Variants in ITGA2 observed in about 807,000 individuals in gnomAD.
ITGA2 encodes integrin alpha-2.
ITGA2 carries 101 observed loss-of-function variants against 146.3 expected under a neutral mutation model. The observed-to-expected ratio is 0.69, with a 90% CI of 0.59 to 0.81. The LOEUF is 0.81. Ranked by LOEUF, ITGA2 falls within the 40% of genes least tolerant of loss-of-function variation. The pLI is 0.00. For synonymous variants in ITGA2, 477 were observed against 487.1 expected (o/e 0.98, Z 0.27); for missense variants, 1,281 against 1,402.7 (o/e 0.91, Z 1.39).
chr5:53,034,500 C>T (rs1743391424), intron 2 of ITGA2, among the ~76,000 whole-genome samples: 1 of 150,908 alleles, frequency 6.6e-6, no homozygotes. Flanking sequence ...TTTGTGTGTG[C>T]ACCTACAAAC....
chr5:53,085,396 T>C (rs1746112091), intron 27 of ITGA2, among the ~76,000 whole-genome samples: 1 of 152,208 alleles, frequency 6.6e-6, no homozygotes, highest in Non-Finnish European at 1.5e-5. Flanking sequence ...TGCTTACCTC[T>C]ACTTGTTAAC....
chr5:53,022,736 G>T (rs932374963), intron 1 of ITGA2, among the ~76,000 whole-genome samples: 3 of 152,020 alleles, frequency 2.0e-5, no homozygotes, highest in African/African-American at 7.2e-5. Context: ...CCACCTAATT[G>T]TCTATTTTTT....
chr5:53,090,134 A>C, intron 29 of ITGA2, 72 bp downstream of exon 29: 1 of 911,540 alleles, frequency 1.1e-6, no homozygotes, highest in Non-Finnish European at 1.8e-6. Context: ...CAAAACATCA[A>C]CTTCAGGTTT....
At chr5:53,058,895 G>C (rs1213359642) in intron 10 of ITGA2, among the ~76,000 whole-genome samples, 1 of 151,880 alleles carries the variant, frequency 6.6e-6, no homozygotes, top group Non-Finnish European at 1.5e-5. Flanking sequence ...GGAGAATTTT[G>C]CACACAATCC....
At chr5:53,047,460 A>G (rs753394943) in intron 4 of ITGA2, among the ~76,000 whole-genome samples, 24 of 152,336 alleles carry the variant, frequency 1.6e-4, no homozygotes, top group Admixed American at 5.9e-4. Context: ...GGATTGGAGC[A>G]GGTATAATGT....
In ITGA2 at chr5:53,075,315, C is replaced by T. The variant is rs377142623; in HGVS notation, c.2825+11C>T. Reference sequence around the variant, plus strand: ...AATTCACTTAACAAGGTAGGTGAAGCAGTGGGTAACCTGCTATCACTGACA... The same window carrying T: ...AATTCACTTAACAAGGTAGGTGAAGTAGTGGGTAACCTGCTATCACTGACA... On this transcript the variant is annotated intron_variant, in intron 23 of 29. Coordinates refer to ENST00000296585, the MANE Select transcript of ITGA2 (RefSeq NM_002203.4). 10 of 1,607,354 alleles carry T rather than the reference C, an allele frequency of 6.2e-6. No individual in the cohort carries two copies. Among genetic ancestry groups the T allele is most frequent in the Non-Finnish European group, 8.5e-6 (10 of 1,174,888 alleles).
rs150943875 is a variant in ITGA2 at position 53,002,126 on chromosome 5, A to T, written c.64+12594A>T. On this transcript the variant is annotated intron_variant, in intron 1 of 29. Transcript: ENST00000296585. ...GGCATTTTAACTGATAGAAAATTAG[A>T]TTTTTTCAAAATAGATTAAAACAAT... 8.7e-4 allele frequency among the ~76,000 whole-genome samples: 132 copies of T among 152,160 alleles called. 2 individuals carry two copies. In the East Asian group the frequency reaches 0.02, roughly 23 times the overall value.
intron 27 of ITGA2, among the ~76,000 whole-genome samples, chr5:53,086,508 T>C (rs1402217227): frequency 6.6e-6 from 1 of 152,210 alleles, no homozygotes; most frequent in Admixed American, 6.5e-5. Context: ...TCCATTCCAT[T>C]GTGTGACTTA....
chr5:53,062,719 G>T (rs1035986265), intron 12 of ITGA2, 67 bp from the exon 13 acceptor site: 1 of 1,516,100 alleles, frequency 6.6e-7, no homozygotes, highest in Non-Finnish European at 9.2e-7. Flanking sequence ...GCAAGTAAAT[G>T]TTCAGTGTAA....
At position 53,069,736 on chromosome 5, in the gene ITGA2, G is replaced by A. The variant is rs571221088; in HGVS notation, c.2084-373G>A. 2.0e-3 allele frequency among the ~76,000 whole-genome samples: 303 copies of A among 151,948 alleles called. 1 individual carries two copies. The highest frequency in any genetic ancestry group is 6.9e-3 in the African/African-American group (288 of 41,490). ...CATGAGAATGTGTCCAGTTGCAGGC[G>A]CTCAGCAACTGTTCCTTTCCATTCT... On this transcript the variant is annotated intron_variant, in intron 16 of 29. Coordinates refer to ENST00000296585, the MANE Select transcript of ITGA2 (RefSeq NM_002203.4).
chr5:53,070,279 C>G lies in ITGA2; in HGVS notation c.2235+19C>G. ...TATACAGGTAAGGCCTCAGGAACAT[C>G]CCTTTTGACTTTATTTCTTCCTAAA... On this transcript the variant is annotated intron_variant, in intron 17 of 29. Transcript: ENST00000296585. The G allele has an allele frequency of 6.2e-7, 1 of 1,610,646 alleles. No homozygotes were observed. The highest frequency in any genetic ancestry group is 8.5e-7 in the Non-Finnish European group (1 of 1,177,680).
rs1472551809 is a variant in ITGA2, at chr5:53,061,189, C to T, written c.1458+143C>T. 3.7e-6 allele frequency: 3 copies of T among 811,892 alleles called. No individual in the cohort carries two copies. In the East Asian group the frequency reaches 7.7e-5, roughly 21 times the overall value. 50.3% of individuals were successfully genotyped at this position (811,892 alleles called of 1,614,324 possible). A position where few individuals can be genotyped will look rare whatever the true frequency, so the allele number is the denominator to read the frequency against. On this transcript the variant is annotated intron_variant, in intron 12 of 29. Transcript: ENST00000296585. ...GTAATCTGAGTTTACTTAGTGTATT[C>T]CTTAAATCATCACAACAATACCAAG... is the stretch of plus-strand genomic sequence containing the variant.
chr5:53,085,575 T>C lies in ITGA2; in HGVS notation c.3259-1377T>C, dbSNP rs563457935. ...ACTCTTAATGTTTCCCCCAATAATA[T>C]GTTTAAGAGACTGGTGAGCATGGTT... On this transcript the variant is annotated intron_variant, in intron 27 of 29. Coordinates refer to ENST00000296585, the MANE Select transcript of ITGA2 (RefSeq NM_002203.4). Among the ~76,000 whole-genome samples, 10 of 152,328 alleles carry C rather than the reference T, an allele frequency of 6.6e-5. No individual in the cohort carries two copies. The South Asian group carries it at 2.1e-3, about 32-fold the overall frequency.
intron 27 of ITGA2, among the ~76,000 whole-genome samples, chr5:53,085,742 A>G (rs1746124826): frequency 6.6e-6 from 1 of 152,168 alleles, no homozygotes; most frequent in Non-Finnish European, 1.5e-5. Flanking sequence ...CTCACAGAGT[A>G]TGTCCAATAA....
Position 53,011,342 on chromosome 5 carries a change from G to A in ITGA2, c.65-15406G>A, listed in dbSNP as rs373623546. 9.5e-4 allele frequency among the ~76,000 whole-genome samples: 145 copies of A among 152,214 alleles called. 1 individual carries two copies. Among genetic ancestry groups the A allele is most frequent in the African/African-American group, 3.4e-3 (141 of 41,526 alleles). On this transcript the variant is annotated intron_variant, in intron 1 of 29. Transcript: ENST00000296585. ...AATCATTCATACAATACCTTTGTGT[G>A]TGCAATGAGCTTTTGCCAAGGTGTG...
chr5:53,011,743 G>C (rs1287728210), intron 1 of ITGA2, among the ~76,000 whole-genome samples: 1 of 151,842 alleles, frequency 6.6e-6, no homozygotes, highest in Non-Finnish European at 1.5e-5. Flanking sequence ...GAGTGGGGGG[G>C]AGTGAGGGGA....
At chr5:53,048,498 T>C in intron 5 of ITGA2, 21 bp downstream of exon 5, 1 of 1,612,402 alleles carries the variant, frequency 6.2e-7, no homozygotes, top group Non-Finnish European at 8.5e-7. Context: ...AATGTGCAGA[T>C]GGTCTGAGCA....
At chr5:52,992,462 G>C (rs1741010688) in intron 1 of ITGA2, among the ~76,000 whole-genome samples, 1 of 151,970 alleles carries the variant, frequency 6.6e-6, no homozygotes, top group Non-Finnish European at 1.5e-5. Context: ...TTCCAAAACT[G>C]AATTTAATAC....
intron 2 of ITGA2, among the ~76,000 whole-genome samples, chr5:53,039,552 T>G (rs1425915398): frequency 6.6e-6 from 1 of 151,790 alleles, no homozygotes; most frequent in African/African-American, 2.4e-5. Flanking sequence ...GAGACCAGCC[T>G]GGCAAACATG....
Sources: allele counts gnomAD v4.1 joint callset (sites outside exome capture counted in the v4.1 genomes callset), GRCh38; gene constraint gnomAD v4.1.1; transcripts MANE v1.5; gene names NCBI Gene and HGNC (gene_info 2026-07-23, HGNC 2026-07-21).